Variants in ZNF727 observed in about 807,000 individuals in gnomAD.
The protein encoded by ZNF727 is putative zinc finger protein 727.
Under a neutral mutation model 11.5 loss-of-function variants are expected in ZNF727, and 11 were observed. The ratio of observed to expected loss-of-function variants is 0.95; its 90% CI spans 0.60 to 1.58. The LOEUF (loss-of-function observed/expected upper bound fraction) is 1.58, where lower values mean the gene tolerates loss of function less well. ZNF727 is among the 40% of genes most tolerant of loss of function. ZNF727 has a pLI of 0.00. For missense variants in ZNF727, 533 were observed against 581.7 expected (o/e 0.92, Z 0.86); for synonymous variants, 171 against 196.1 (o/e 0.87, Z 1.07).
chr7:64,046,479 C>T (rs1180937516), intron 1 of ZNF727, among the ~76,000 whole-genome samples: 1 of 152,144 alleles, frequency 6.6e-6, no homozygotes, highest in Non-Finnish European at 1.5e-5. Flanking sequence ...TAGCACCATT[C>T]CTCTTGGTAT....
rs944261683 is a variant in ZNF727, at chr7:64,082,082, G to T, written c.*3533G>T. 6.6e-6 allele frequency among the ~76,000 whole-genome samples: 1 copy of T among 152,136 alleles called. No homozygotes were observed. Among genetic ancestry groups the T allele is most frequent in the African/African-American group, 2.4e-5 (1 of 41,438 alleles). Reference sequence around the variant, plus strand: ...TCTCTCCTTGGGTAAACTACAGCTCGTTTGAGGTGTGAATAAGGCACTTAG... The same window carrying T: ...TCTCTCCTTGGGTAAACTACAGCTCTTTTGAGGTGTGAATAAGGCACTTAG... On this transcript the variant is annotated 3_prime_UTR_variant, in exon 4 of 4. Transcript: ENST00000456806.
chr7:64,055,927 T>C (rs1390614477), intron 1 of ZNF727, among the ~76,000 whole-genome samples: 1 of 152,198 alleles, frequency 6.6e-6, no homozygotes, highest in African/African-American at 2.4e-5. Flanking sequence ...AGAATGTTCA[T>C]TTTATGTTTG....
Position 64,077,371 on chromosome 7 carries a change from C to T in ZNF727, c.322C>T (p.Leu108Phe). 1 of 1,551,452 alleles carries T rather than the reference C, an allele frequency of 6.4e-7. No individual in the cohort carries two copies. The highest frequency in any genetic ancestry group is 8.7e-7 in the Non-Finnish European group (1 of 1,146,940). The change falls in exon 4 of 4, where the codon CTT becomes TTT. Residue 108 changes from leucine (L) to phenylalanine (F), a missense_variant. Physicochemically the swap from Leu to Phe is conservative, Grantham distance 22. Coordinates refer to ENST00000456806, the MANE Select transcript of ZNF727 (RefSeq NM_001159522.3). Reference protein sequence around the residue: ...VILRKSGSCDLNTLRLKKDYQ... With the variant: ...VILRKSGSCDFNTLRLKKDYQ... Reference sequence around the variant, plus strand: ...CCTGAGAAAATCTGGAAGCTGTGACCTTAATACTTTACGTTTAAAGAAAGA... The same window carrying T: ...CCTGAGAAAATCTGGAAGCTGTGACTTTAATACTTTACGTTTAAAGAAAGA...
chr7:64,070,925 A>C (rs976323990), intron 3 of ZNF727, among the ~76,000 whole-genome samples: 47 of 152,050 alleles, frequency 3.1e-4, no homozygotes, highest in African/African-American at 1.1e-3. Context: ...ATCTAGGTCC[A>C]CCCATGTTGT....
At chr7:64,048,866 G>C (rs1789548953) in intron 1 of ZNF727, among the ~76,000 whole-genome samples, 1 of 152,116 alleles carries the variant, frequency 6.6e-6, no homozygotes, top group South Asian at 2.1e-4. Flanking sequence ...CAGATAATTA[G>C]CAGATTTTTT....
Position 64,080,460 on chromosome 7 carries a change from A to AT in ZNF727, c.*1913dup, listed in dbSNP as rs1785768617. On this transcript the variant is annotated 3_prime_UTR_variant, in exon 4 of 4. Coordinates refer to ENST00000456806, the MANE Select transcript of ZNF727 (RefSeq NM_001159522.3). ...TTCTTCTATTAACACTTGTGATTAC[A>AT]TTATAAAGGTTTTGTATTGTGTTTT... 6.6e-6 allele frequency among the ~76,000 whole-genome samples: 1 copy of AT among 152,052 alleles called. No individual in the cohort carries two copies. Among genetic ancestry groups the AT allele is most frequent in the Non-Finnish European group, 1.5e-5 (1 of 68,014 alleles).
intron 3 of ZNF727, among the ~76,000 whole-genome samples, chr7:64,070,823 C>T (rs1298064492): frequency 2.0e-5 from 3 of 152,024 alleles, no homozygotes; most frequent in African/African-American, 7.2e-5. Context: ...CTCTCTTCTT[C>T]TAGGAGTCCA....
At chr7:64,077,208 A>T in intron 3 of ZNF727, 68 bp from the exon 4 acceptor site, 1 of 1,360,914 alleles carries the variant, frequency 7.3e-7, no homozygotes, top group Non-Finnish European at 9.8e-7. Context: ...GTATAATTAT[A>T]TATTTGTAAA....
intron 1 of ZNF727, among the ~76,000 whole-genome samples, chr7:64,064,599 G>C (rs1356924673): frequency 6.6e-6 from 1 of 152,126 alleles, no homozygotes; most frequent in Non-Finnish European, 1.5e-5. Flanking sequence ...GGCCATCCCA[G>C]CTGGCATCTC....
intron 1 of ZNF727, among the ~76,000 whole-genome samples, chr7:64,063,653 G>A (rs866337028): frequency 1.3e-5 from 2 of 152,010 alleles, no homozygotes; most frequent in African/African-American, 4.8e-5. Context: ...CAAGAACCAA[G>A]TTCTCTTCAG....
rs574744886 is a variant in ZNF727 at position 64,064,434 on chromosome 7, T to C, written c.4-4457T>C. On this transcript the variant is annotated intron_variant, in intron 1 of 3. Coordinates refer to ENST00000456806, the MANE Select transcript of ZNF727 (RefSeq NM_001159522.3). ...GGGGGCCTCAGAGCTTTTTCTGATGTTGTATTCTACTGTGGCTGAGATGAT... is the reference window on the plus strand; with the variant it reads ...GGGGGCCTCAGAGCTTTTTCTGATGCTGTATTCTACTGTGGCTGAGATGAT... Among the ~76,000 whole-genome samples, 18 of 152,294 alleles carry C rather than the reference T, an allele frequency of 1.2e-4. No individual in the cohort carries two copies. The East Asian group carries it at 3.1e-3, about 26-fold the overall frequency.
chr7:64,078,512 C>T lies in ZNF727; in HGVS notation c.1463C>T (p.Pro488Leu). The T allele has an allele frequency of 1.3e-6, 2 of 1,561,930 alleles. No individual in the cohort carries two copies. The highest frequency in any genetic ancestry group is 1.7e-6 in the Non-Finnish European group (2 of 1,152,850). ...RPTSAKNVAK[P>L]LGGSQTLLNI... The stretch of plus-strand genomic sequence containing the variant: ...ACAAGTGCAAAGAATGTGGCAAAGC[C>T]TTTAGGTGGTTCTCAGACCTTACTA... The change falls in exon 4 of 4, where the codon CCT becomes CTT. Residue 488 changes from proline (P) to leucine (L), a missense_variant. By Grantham distance (98) the Pro-to-Leu change is moderately conservative. Transcript: ENST00000456806.
chr7:64,057,490 T>C lies in ZNF727; in HGVS notation c.4-11401T>C, dbSNP rs1482501301. On this transcript the variant is annotated intron_variant, in intron 1 of 3. Coordinates refer to ENST00000456806, the MANE Select transcript of ZNF727 (RefSeq NM_001159522.3). ...CAAACACTGCATGCTCTCATACTAATAAGTCGAAGCTGAATGATGAGTTAC... is the reference window on the plus strand; with the variant it reads ...CAAACACTGCATGCTCTCATACTAACAAGTCGAAGCTGAATGATGAGTTAC... 3.9e-5 allele frequency among the ~76,000 whole-genome samples: 6 copies of C among 152,098 alleles called. No homozygotes were observed. In the East Asian group the frequency reaches 1.2e-3, roughly 29 times the overall value.
chr7:64,069,840 T>C (rs1789932510), intron 3 of ZNF727, among the ~76,000 whole-genome samples: 1 of 152,094 alleles, frequency 6.6e-6, no homozygotes, highest in Admixed American at 6.6e-5. Context: ...GCTGCTGTTG[T>C]TGTTTTTTTT....
intron 3 of ZNF727, among the ~76,000 whole-genome samples, chr7:64,070,579 GATT>G (rs1456258839): frequency 6.6e-6 from 1 of 151,874 alleles, no homozygotes; most frequent in Non-Finnish European, 1.5e-5. Flanking sequence ...ATAATGAAAT[GATT>G]AATACAATCA....
chr7:64,072,095 T>C (rs984664909), intron 3 of ZNF727, among the ~76,000 whole-genome samples: 15 of 152,294 alleles, frequency 9.8e-5, no homozygotes, highest in Admixed American at 9.2e-4. Flanking sequence ...AATTTTAAGA[T>C]TGAATTTTCT....
chr7:64,084,551 T>C lies in ZNF727; in HGVS notation c.*6002T>C, dbSNP rs1278188444. ...TTAACTTACCATAATTTGGAGAATA[T>C]GATTCCTACAAATTAACATTTTTGT... On this transcript the variant is annotated 3_prime_UTR_variant, in exon 4 of 4. Coordinates refer to ENST00000456806, the MANE Select transcript of ZNF727 (RefSeq NM_001159522.3). Among the ~76,000 whole-genome samples, 1 of 152,206 alleles carries C rather than the reference T, an allele frequency of 6.6e-6. No homozygotes were observed. Among genetic ancestry groups the C allele is most frequent in the African/African-American group, 2.4e-5 (1 of 41,460 alleles).
At chr7:64,061,390 C>A (rs1789767758) in intron 1 of ZNF727, among the ~76,000 whole-genome samples, 1 of 151,668 alleles carries the variant, frequency 6.6e-6, no homozygotes, top group Admixed American at 6.6e-5. Flanking sequence ...TTGTTATATT[C>A]TCTTGCTGAA....
intron 1 of ZNF727, among the ~76,000 whole-genome samples, chr7:64,057,303 A>G (rs936056053): frequency 6.6e-6 from 1 of 152,340 alleles, no homozygotes; most frequent in Admixed American, 6.5e-5. Context: ...CATGGAATTA[A>G]CCCAAATGCC....
Sources: gnomAD v4.1 joint callset for allele counts (sites outside exome capture counted in the v4.1 genomes callset) on GRCh38, gnomAD v4.1.1 for gene constraint, MANE v1.5 for transcripts, NCBI Gene and HGNC (gene_info 2026-07-23, HGNC 2026-07-21) for gene names.